TUBB2B: variants seen among roughly 807,000 people sequenced by gnomAD.
TUBB2B encodes the protein tubulin beta 2B class IIb.
A neutral mutation model predicts 35.0 loss-of-function variants in TUBB2B; 5 were observed. The ratio of observed to expected loss-of-function variants is 0.14; its 90% CI spans 0.07 to 0.30. The LOEUF (loss-of-function observed/expected upper bound fraction) is 0.30, where lower values mean the gene tolerates loss of function less well. Among genes scored for constraint, TUBB2B ranks in the 10% least tolerant of loss-of-function variants. The probability of loss-of-function intolerance (pLI) is 1.00; values close to 1 mark genes in which losing one functional copy is unlikely to be tolerated. For missense variants in TUBB2B, 63 were observed against 601.8 expected (o/e 0.10, Z 9.37); for synonymous variants, 166 against 250.5 (o/e 0.66, Z 3.18).
rs1366006593 is a variant in TUBB2B at position 3,227,576 on chromosome 6, C to A, written c.-33G>T. ...CGTCAGCGTCCTCCTGGTCCGGCGGCGTCTGGGTCTGTCCGTCCTCCCCTC... is the reference window on the plus strand; with the variant it reads ...CGTCAGCGTCCTCCTGGTCCGGCGGAGTCTGGGTCTGTCCGTCCTCCCCTC... On this transcript the variant is annotated 5_prime_UTR_variant, in exon 1 of 4. Coordinates refer to ENST00000259818, the MANE Select transcript of TUBB2B (RefSeq NM_178012.5). The surrounding 1 kb of genome is among the most constrained non-coding windows in gnomAD (Gnocchi z 7.8). 1.2e-6 allele frequency: 2 copies of A among 1,609,218 alleles called. No homozygotes were observed. The highest frequency in any genetic ancestry group is 2.2e-5 in the South Asian group (2 of 90,838).
Position 3,224,589 on chromosome 6 carries a change from G to T in TUBB2B, c.*162C>A. On this transcript the variant is annotated 3_prime_UTR_variant, in exon 4 of 4. Coordinates refer to ENST00000259818, the MANE Select transcript of TUBB2B (RefSeq NM_178012.5). ...TTGATGTCATCAATATTACAAAAAAGGAAAAAAAAAGTGACAGGCAACAGT... is the reference window on the plus strand; with the variant it reads ...TTGATGTCATCAATATTACAAAAAATGAAAAAAAAAGTGACAGGCAACAGT... 1.1e-6 allele frequency: 1 copy of T among 931,532 alleles called. No homozygotes were observed. The highest frequency in any genetic ancestry group is 1.4e-6 in the Non-Finnish European group (1 of 694,912). The allele number at this position is 931,532 out of a possible 1,614,324, so 57.7% of individuals were successfully genotyped here.
rs1581526949 is a variant in TUBB2B, at chr6:3,227,508, G to A, written c.36C>T (p.Cys12=). 6.2e-7 allele frequency: 1 copy of A among 1,609,572 alleles called. No homozygotes were observed. Among genetic ancestry groups the A allele is most frequent in the South Asian group, 1.1e-5 (1 of 91,000 alleles). ...CCACCTTGGCGCCGATCTGGTTGCC[G>A]CACTGGCCCGCCTGGATGTGCACGA... ...REIVHIQAGQ[C]GNQIGAKFWE... The change falls in exon 1 of 4, where the codon TGC becomes TGT. Residue 12 remains cysteine, a synonymous_variant. Coordinates refer to ENST00000259818, the MANE Select transcript of TUBB2B (RefSeq NM_178012.5). This position sits in a 1 kb window ranked among gnomAD's most constrained non-coding sequence, Gnocchi z 7.8.
Position 3,226,460 on chromosome 6 carries a change from A to G in TUBB2B, c.166+101T>C, listed in dbSNP as rs1757288874. On this transcript the variant is annotated intron_variant, in intron 2 of 3. Transcript: ENST00000259818. The surrounding 1 kb of genome is among the most constrained non-coding windows in gnomAD (Gnocchi z 5.5). ...AAAGAGCGGGGATCCTAAACTGAATAGTCCACCCTCTCCCAGGGCCACACC... is the reference window on the plus strand; with the variant it reads ...AAAGAGCGGGGATCCTAAACTGAATGGTCCACCCTCTCCCAGGGCCACACC... 8.5e-7 allele frequency: 1 copy of G among 1,171,872 alleles called. No homozygotes were observed. The highest frequency in any genetic ancestry group is 1.5e-5 in the African/African-American group (1 of 66,444). 72.6% of individuals were successfully genotyped at this position (1,171,872 alleles called of 1,614,324 possible).
Position 3,226,058 on chromosome 6 carries a change from G to T in TUBB2B, c.277+101C>A. On this transcript the variant is annotated intron_variant, in intron 3 of 3. Transcript: ENST00000259818. This position sits in a 1 kb window ranked among gnomAD's most constrained non-coding sequence, Gnocchi z 5.5. ...TATTAAAGCTAAGTTGGCACACCGCGGATGTTCTTCATGCTTTCCCTCTGG... is the reference window on the plus strand; with the variant it reads ...TATTAAAGCTAAGTTGGCACACCGCTGATGTTCTTCATGCTTTCCCTCTGG... 2 of 1,379,374 alleles carry T rather than the reference G, an allele frequency of 1.4e-6. No homozygotes were observed. Among genetic ancestry groups the T allele is most frequent in the South Asian group, 2.4e-5 (2 of 84,894 alleles). 85.4% of individuals were successfully genotyped at this position (1,379,374 alleles called of 1,614,324 possible). A position where few individuals can be genotyped will look rare whatever the true frequency, so the allele number is the denominator to read the frequency against.
rs975172556 is a variant in TUBB2B at position 3,224,354 on chromosome 6, T to C, written c.*397A>G. The C allele has an allele frequency of 1.8e-5, 5 of 278,834 alleles. No homozygotes were observed. The highest frequency in any genetic ancestry group is 1.1e-4 in the African/African-American group (5 of 45,698). The allele number at this position is 278,834 out of a possible 1,614,324, so 17.3% of individuals were successfully genotyped here. A position where few individuals can be genotyped will look rare whatever the true frequency, so the allele number is the denominator to read the frequency against. ...ATCTTAACTGTGATTGGTTCAATTT[T>C]ACCATACCGAAAGAATAAATTCATT... On this transcript the variant is annotated 3_prime_UTR_variant, in exon 4 of 4. Transcript: ENST00000259818.
rs1159330013 is a variant in TUBB2B at position 3,224,322 on chromosome 6, A to T, written c.*429T>A. The T allele has an allele frequency of 9.4e-6, 2 of 213,028 alleles. No individual in the cohort carries two copies. Among genetic ancestry groups the T allele is most frequent in the Non-Finnish European group, 1.9e-5 (2 of 106,396 alleles). The allele number at this position is 213,028 out of a possible 1,614,324, so 13.2% of individuals were successfully genotyped here. On this transcript the variant is annotated 3_prime_UTR_variant, in exon 4 of 4. Coordinates refer to ENST00000259818, the MANE Select transcript of TUBB2B (RefSeq NM_178012.5). ...TAAAGGTATTTTAAAACTCAGGTTG[A>T]TCTCTCATCTTAACTGTGATTGGTT...
Position 3,227,134 on chromosome 6 carries a change from C to A in TUBB2B, c.57+353G>T, listed in dbSNP as rs562571075. 6.6e-6 allele frequency among the ~76,000 whole-genome samples: 1 copy of A among 152,136 alleles called. No homozygotes were observed. The highest frequency in any genetic ancestry group is 1.5e-5 in the Non-Finnish European group (1 of 68,012). ...CCCGGCAGCTCGACTCCGGTTCAAG[C>A]GAGTACAATTAATCCTCCTGGTGTC... is the stretch of plus-strand genomic sequence containing the variant. On this transcript the variant is annotated intron_variant, in intron 1 of 3. Transcript: ENST00000259818. This position sits in a 1 kb window ranked among gnomAD's most constrained non-coding sequence, Gnocchi z 7.8.
chr6:3,226,032 A>G lies in TUBB2B; in HGVS notation c.277+127T>C. 2 of 1,319,800 alleles carry G rather than the reference A, an allele frequency of 1.5e-6. No individual in the cohort carries two copies. The highest frequency in any genetic ancestry group is 2.1e-6 in the Non-Finnish European group (2 of 932,548). 81.8% of individuals were successfully genotyped at this position (1,319,800 alleles called of 1,614,324 possible). A position where few individuals can be genotyped will look rare whatever the true frequency, so the allele number is the denominator to read the frequency against. ...GCTGAAAGGCAAACAATTTTACACT[A>G]TATTAAAGCTAAGTTGGCACACCGC... On this transcript the variant is annotated intron_variant, in intron 3 of 3. Transcript: ENST00000259818. This position sits in a 1 kb window ranked among gnomAD's most constrained non-coding sequence, Gnocchi z 5.5.
In TUBB2B at chr6:3,226,241, G is replaced by C; in HGVS notation, c.195C>G (p.Leu65=). Residue 65 remains leucine (L), a synonymous_variant, in exon 3 of 4, where the codon CTC becomes CTG. Coordinates refer to ENST00000259818, the MANE Select transcript of TUBB2B (RefSeq NM_178012.5). This position sits in a 1 kb window ranked among gnomAD's most constrained non-coding sequence, Gnocchi z 5.5. ...TGNKYVPRAI[L]VDLEPGTMDS... is the part of the protein sequence containing the mutation. The stretch of plus-strand genomic sequence containing the variant: ...CCATCGTGCCTGGCTCCAGATCCAC[G>C]AGGATGGCCCGAGGAACATATTTGT... 6.2e-7 allele frequency: 1 copy of C among 1,614,066 alleles called. No homozygotes were observed. The highest frequency in any genetic ancestry group is 8.5e-7 in the Non-Finnish European group (1 of 1,180,026).
Position 3,227,642 on chromosome 6 carries a change from C to T in TUBB2B, c.-99G>A, listed in dbSNP as rs891492409. 2.0e-6 allele frequency: 3 copies of T among 1,534,310 alleles called. No individual in the cohort carries two copies. The highest frequency in any genetic ancestry group is 2.7e-5 in the African/African-American group (2 of 72,768). ...GGTCACCGGGAAGGCGCTCGGGAACCGACGGGCTGAGAGCGCCGGCCCCGC... is the reference window on the plus strand; with the variant it reads ...GGTCACCGGGAAGGCGCTCGGGAACTGACGGGCTGAGAGCGCCGGCCCCGC... On this transcript the variant is annotated 5_prime_UTR_variant, in exon 1 of 4. Coordinates refer to ENST00000259818, the MANE Select transcript of TUBB2B (RefSeq NM_178012.5). This position sits in a 1 kb window ranked among gnomAD's most constrained non-coding sequence, Gnocchi z 7.8.
rs1162296804 is a variant in TUBB2B at position 3,226,403 on chromosome 6, G to C, written c.167-134C>G. The C allele has an allele frequency of 1.9e-6, 2 of 1,042,694 alleles. No homozygotes were observed. Among genetic ancestry groups the C allele is most frequent in the Non-Finnish European group, 3.0e-6 (2 of 675,658 alleles). The allele number at this position is 1,042,694 out of a possible 1,614,324, so 64.6% of individuals were successfully genotyped here. A position where few individuals can be genotyped will look rare whatever the true frequency, so the allele number is the denominator to read the frequency against. ...CATCAGGTTCTCAAAGGGCTCTGTT[G>C]GCATAAGGAAGCCCAATGAAATACT... On this transcript the variant is annotated intron_variant, in intron 2 of 3. Coordinates refer to ENST00000259818, the MANE Select transcript of TUBB2B (RefSeq NM_178012.5). This position sits in a 1 kb window ranked among gnomAD's most constrained non-coding sequence, Gnocchi z 5.5.
chr6:3,227,627 A>C lies in TUBB2B; in HGVS notation c.-84T>G. On this transcript the variant is annotated 5_prime_UTR_variant, in exon 1 of 4. Coordinates refer to ENST00000259818, the MANE Select transcript of TUBB2B (RefSeq NM_178012.5). This position sits in a 1 kb window ranked among gnomAD's most constrained non-coding sequence, Gnocchi z 7.8. ...ACACACCCACTGCGGGGTCACCGGG[A>C]AGGCGCTCGGGAACCGACGGGCTGA... 6.4e-7 allele frequency: 1 copy of C among 1,570,508 alleles called. No individual in the cohort carries two copies. Among genetic ancestry groups the C allele is most frequent in the South Asian group, 1.1e-5 (1 of 87,946 alleles).
chr6:3,224,367 G>C lies in TUBB2B; in HGVS notation c.*384C>G. On this transcript the variant is annotated 3_prime_UTR_variant, in exon 4 of 4. Coordinates refer to ENST00000259818, the MANE Select transcript of TUBB2B (RefSeq NM_178012.5). ...TTGGTTCAATTTTACCATACCGAAA[G>C]AATAAATTCATTTGAGCTTTTACCT... 3.4e-6 allele frequency: 1 copy of C among 297,270 alleles called. No individual in the cohort carries two copies. The allele number at this position is 297,270 out of a possible 1,614,324, so 18.4% of individuals were successfully genotyped here. A position where few individuals can be genotyped will look rare whatever the true frequency, so the allele number is the denominator to read the frequency against.
Position 3,227,424 on chromosome 6 carries a change from C to T in TUBB2B, c.57+63G>A. ...CCTTCCCAGGACCGCGCCTGGGGAC[C>T]CCGAGGGGCTCTCGGCCCAGGTTCG... is the stretch of plus-strand genomic sequence containing the variant. On this transcript the variant is annotated intron_variant, in intron 1 of 3. Transcript: ENST00000259818. The surrounding 1 kb of genome is among the most constrained non-coding windows in gnomAD (Gnocchi z 7.8). 6.3e-7 allele frequency: 1 copy of T among 1,592,588 alleles called. No individual in the cohort carries two copies. The highest frequency in any genetic ancestry group is 1.1e-5 in the South Asian group (1 of 90,402).
rs768579760 is a variant in TUBB2B, at chr6:3,226,123, G to C, written c.277+36C>G. The C allele has an allele frequency of 6.3e-7, 1 of 1,576,930 alleles. No homozygotes were observed. Among genetic ancestry groups the C allele is most frequent in the Non-Finnish European group, 8.7e-7 (1 of 1,147,454 alleles). ...CAGCCTCCACTGCCCAGCGTAAAAT[G>C]AATCCCTCATGCTCTCAGCCACACC... On this transcript the variant is annotated intron_variant, in intron 3 of 3. Coordinates refer to ENST00000259818, the MANE Select transcript of TUBB2B (RefSeq NM_178012.5). The surrounding 1 kb of genome is among the most constrained non-coding windows in gnomAD (Gnocchi z 5.5).
In TUBB2B at chr6:3,226,050, C is replaced by A; in HGVS notation, c.277+109G>T. On this transcript the variant is annotated intron_variant, in intron 3 of 3. Transcript: ENST00000259818. This position sits in a 1 kb window ranked among gnomAD's most constrained non-coding sequence, Gnocchi z 5.5. The stretch of plus-strand genomic sequence containing the variant: ...TTACACTATATTAAAGCTAAGTTGG[C>A]ACACCGCGGATGTTCTTCATGCTTT... The A allele has an allele frequency of 2.9e-6, 4 of 1,358,644 alleles. No homozygotes were observed. The highest frequency in any genetic ancestry group is 4.2e-6 in the Non-Finnish European group (4 of 958,974). The allele number at this position is 1,358,644 out of a possible 1,614,324, so 84.2% of individuals were successfully genotyped here. A position where few individuals can be genotyped will look rare whatever the true frequency, so the allele number is the denominator to read the frequency against.
In TUBB2B at chr6:3,226,472, C is replaced by A; in HGVS notation, c.166+89G>T. 2 of 1,278,014 alleles carry A rather than the reference C, an allele frequency of 1.6e-6. No homozygotes were observed. Among genetic ancestry groups the A allele is most frequent in the Non-Finnish European group, 2.3e-6 (2 of 874,626 alleles). The allele number at this position is 1,278,014 out of a possible 1,614,324, so 79.2% of individuals were successfully genotyped here. A position where few individuals can be genotyped will look rare whatever the true frequency, so the allele number is the denominator to read the frequency against. On this transcript the variant is annotated intron_variant, in intron 2 of 3. Coordinates refer to ENST00000259818, the MANE Select transcript of TUBB2B (RefSeq NM_178012.5). This position sits in a 1 kb window ranked among gnomAD's most constrained non-coding sequence, Gnocchi z 5.5. Reference sequence around the variant, plus strand: ...TCCTAAACTGAATAGTCCACCCTCTCCCAGGGCCACACCCCTGGGGTCCCA... The same window carrying A: ...TCCTAAACTGAATAGTCCACCCTCTACCAGGGCCACACCCCTGGGGTCCCA...
At position 3,227,479 on chromosome 6, in the gene TUBB2B, G is replaced by T. The variant is rs961422404; in HGVS notation, c.57+8C>A. Reference sequence around the variant, plus strand: ...CCCATTGGACCCCCTCCGCTGCGGCGCGCCCACCTTGGCGCCGATCTGGTT... The same window carrying T: ...CCCATTGGACCCCCTCCGCTGCGGCTCGCCCACCTTGGCGCCGATCTGGTT... On this transcript the variant is annotated splice_region_variant and intron_variant, in intron 1 of 3. Coordinates refer to ENST00000259818, the MANE Select transcript of TUBB2B (RefSeq NM_178012.5). This position sits in a 1 kb window ranked among gnomAD's most constrained non-coding sequence, Gnocchi z 7.8. The T allele has an allele frequency of 1.1e-5, 18 of 1,607,042 alleles. No individual in the cohort carries two copies. Among genetic ancestry groups the T allele is most frequent in the Non-Finnish European group, 1.5e-5 (18 of 1,179,610 alleles).
rs1285341685 is a variant in TUBB2B, at chr6:3,225,036, C to T, written c.1053G>A (p.Thr351=). ...CGCGGGGCGGGATGTCGCACACGGC[C>T]GTCTTCACGTTGTTGGGGATCCACT... ...FVEWIPNNVK[T]AVCDIPPRGL... The change falls in exon 4 of 4, where the codon ACG becomes ACA. Residue 351 remains threonine, a synonymous_variant. Coordinates refer to ENST00000259818, the MANE Select transcript of TUBB2B (RefSeq NM_178012.5). 9.2e-7 allele frequency: 1 copy of T among 1,084,960 alleles called. No individual in the cohort carries two copies. The highest frequency in any genetic ancestry group is 2.0e-5 in the African/African-American group (1 of 49,262). 67.2% of individuals were successfully genotyped at this position (1,084,960 alleles called of 1,614,324 possible). A position where few individuals can be genotyped will look rare whatever the true frequency, so the allele number is the denominator to read the frequency against.
Sources: allele counts gnomAD v4.1 joint callset (sites outside exome capture counted in the v4.1 genomes callset), GRCh38; gene constraint gnomAD v4.1.1; non-coding constraint Gnocchi (gnomAD v3.1); transcripts MANE v1.5; gene names NCBI Gene and HGNC (gene_info 2026-07-23, HGNC 2026-07-21).